Variants in NTNG2 observed in about 807,000 individuals in gnomAD.
NTNG2 encodes the protein netrin G2.
NTNG2 carries 15 observed loss-of-function variants against 47.6 expected under a neutral mutation model. The ratio of observed to expected loss-of-function variants is 0.32; its 90% confidence interval spans 0.21 to 0.49. NTNG2 has a LOEUF of 0.49. Among genes scored for constraint, NTNG2 ranks in the 20% least tolerant of loss-of-function variants. The pLI is 0.99. For missense variants in NTNG2, 578 were observed against 764.6 expected (o/e 0.76, Z 2.88); for synonymous variants, 307 against 324.6 (o/e 0.95, Z 0.58).
chr9:132,226,920 A>G lies in NTNG2; in HGVS notation c.929A>G (p.Asn310Ser). The G allele has an allele frequency of 2.5e-6, 4 of 1,612,854 alleles. No homozygotes were observed. Among genetic ancestry groups the G allele is most frequent in the Non-Finnish European group, 3.4e-6 (4 of 1,179,756 alleles). Residue 310 changes from asparagine (N) to serine (S), a missense_variant, in exon 4 of 8, where the codon AAC (asparagine) becomes AGC (serine). Coordinates refer to ENST00000393229, the MANE Select transcript of NTNG2 (RefSeq NM_032536.4). The surrounding 1 kb of genome is among the most constrained non-coding windows in gnomAD (Gnocchi z 4.8). ...EGSLQCECEH[N>S]TTGPDCGKCK... ...AGCCTGCAGTGCGAGTGCGAGCACA[A>G]CACCACCGGCCCCGACTGCGGCAAG...
Position 132,181,495 on chromosome 9 carries a change from A to G in NTNG2, c.213+14451A>G, listed in dbSNP as rs539419908. ...GCCACCATGCCTGGCTAATTTTTGT[A>G]TTTTTAGTAGAGACAAAGTTTCACC... On this transcript the variant is annotated intron_variant, in intron 2 of 7. Coordinates refer to ENST00000393229, the MANE Select transcript of NTNG2 (RefSeq NM_032536.4). Among the ~76,000 whole-genome samples the G allele has an allele frequency of 4.7e-4, 71 of 151,820 alleles. 1 individual carries two copies. Among genetic ancestry groups the G allele is most frequent in the Non-Finnish European group, 9.7e-4 (66 of 67,908 alleles).
At chr9:132,214,583 T>C (rs940331543) in intron 3 of NTNG2, among the ~76,000 whole-genome samples, 1 of 152,092 alleles carries the variant, frequency 6.6e-6, no homozygotes, top group African/African-American at 2.4e-5. Context: ...GCTGAAAAGG[T>C]GGCTGTGGCT....
rs9696474 is a variant in NTNG2 at position 132,214,875 on chromosome 9, T to A, written c.858-11974T>A. On this transcript the variant is annotated intron_variant, in intron 3 of 7. Coordinates refer to ENST00000393229, the MANE Select transcript of NTNG2 (RefSeq NM_032536.4). ...TTATTTATCTAAAATTCAAAAAAAA[T>A]TTTTTTTTTTTTTAGAGACAGGGTC... Among the ~76,000 whole-genome samples the A allele has an allele frequency of 8.6e-3, 219 of 25,560 alleles. No individual in the cohort carries two copies. In the African/African-American group the frequency reaches 0.17, roughly 20 times the overall value. The allele number at this position is 25,560 out of a possible 152,430, so 16.8% of individuals were successfully genotyped here. A position where few individuals can be genotyped will look rare whatever the true frequency, so the allele number is the denominator to read the frequency against.
At chr9:132,204,875 A>G (rs1839052882) in intron 3 of NTNG2, among the ~76,000 whole-genome samples, 1 of 152,202 alleles carries the variant, frequency 6.6e-6, no homozygotes, top group Non-Finnish European at 1.5e-5. Context: ...CAGGAGTTCA[A>G]GACCAGCCTG....
At chr9:132,185,377 C>T (rs796285363) in intron 2 of NTNG2, among the ~76,000 whole-genome samples, 3 of 152,114 alleles carry the variant, frequency 2.0e-5, no homozygotes, top group East Asian at 3.9e-4. Context: ...AGCTACCAAG[C>T]GCCCCAGCCA....
At chr9:132,217,131 G>A (rs576210712) in intron 3 of NTNG2, among the ~76,000 whole-genome samples, 53 of 152,334 alleles carry the variant, frequency 3.5e-4, no homozygotes, top group Admixed American at 1.0e-3. Flanking sequence ...TCTGAGCCTC[G>A]CATTCTCACC....
intron 2 of NTNG2, among the ~76,000 whole-genome samples, chr9:132,183,069 A>G (rs1173496880): frequency 6.6e-6 from 1 of 152,180 alleles, no homozygotes; most frequent in East Asian, 1.9e-4. Context: ...TAAAACTGAA[A>G]GACCAGGAGG....
At chr9:132,230,550 C>G (rs1311124273) in intron 4 of NTNG2, 22 bp from the exon 5 acceptor site, 12 of 1,597,162 alleles carry the variant, frequency 7.5e-6, no homozygotes, top group Non-Finnish European at 1.0e-5. Flanking sequence ...GCAGCCAGCT[C>G]ACGCCCGTCT....
At chr9:132,168,582 C>T (rs913967625) in intron 2 of NTNG2, among the ~76,000 whole-genome samples, 2 of 152,034 alleles carry the variant, frequency 1.3e-5, no homozygotes, top group Admixed American at 6.5e-5. Flanking sequence ...AAGGAGAAGG[C>T]GGCACGAAGC....
chr9:132,237,351 C>G (rs1463017505), intron 5 of NTNG2, among the ~76,000 whole-genome samples: 1 of 152,188 alleles, frequency 6.6e-6, no homozygotes, highest in Non-Finnish European at 1.5e-5. Flanking sequence ...GGCTCGGAAG[C>G]CTTTGCTGGG....
At chr9:132,198,640 T>C in intron 3 of NTNG2, 31 bp downstream of exon 3, 1 of 1,586,702 alleles carries the variant, frequency 6.3e-7, no homozygotes, top group South Asian at 1.1e-5. Context: ...GGATGTCACC[T>C]GCAACCTGGG....
At chr9:132,200,763 T>TGAC (rs1838686092) in intron 3 of NTNG2, among the ~76,000 whole-genome samples, 1 of 152,232 alleles carries the variant, frequency 6.6e-6, no homozygotes. Flanking sequence ...CCCGTGGTTC[T>TGAC]GACACCCGTG....
intron 2 of NTNG2, among the ~76,000 whole-genome samples, chr9:132,176,600 C>T (rs1836480902): frequency 6.6e-6 from 1 of 152,198 alleles, no homozygotes; most frequent in South Asian, 2.1e-4. Context: ...AACTGATGGA[C>T]ATTTGAGCTG....
rs1178320749 is a variant in NTNG2 at position 132,242,132 on chromosome 9, C to T, written c.*21C>T. 2 of 1,094,258 alleles carry T rather than the reference C, an allele frequency of 1.8e-6. No individual in the cohort carries two copies. Among genetic ancestry groups the T allele is most frequent in the African/African-American group, 1.7e-5 (1 of 59,922 alleles). 67.8% of individuals were successfully genotyped at this position (1,094,258 alleles called of 1,614,324 possible). On this transcript the variant is annotated 3_prime_UTR_variant, in exon 8 of 8. Transcript: ENST00000393229. This position sits in a 1 kb window ranked among gnomAD's most constrained non-coding sequence, Gnocchi z 5.9. ...GCTGAGCCCCGCCCGGAGGACGCTC[C>T]CCGCACCCGGAGGCCGGGGGTCCCG...
intron 2 of NTNG2, among the ~76,000 whole-genome samples, chr9:132,174,254 T>G (rs1267691033): frequency 1.5e-5 from 2 of 135,540 alleles, no homozygotes; most frequent in African/African-American, 2.9e-5. Flanking sequence ...ATGCTGTGGA[T>G]GAGATGGATG....
chr9:132,170,428 G>A (rs1229135644), intron 2 of NTNG2, among the ~76,000 whole-genome samples: 2 of 152,208 alleles, frequency 1.3e-5, no homozygotes, highest in Admixed American at 6.5e-5. Context: ...ACATTCCCAG[G>A]GCCTGCCCCT....
chr9:132,214,865 TC>T lies in NTNG2; in HGVS notation c.858-11983del, dbSNP rs1458673923. On this transcript the variant is annotated intron_variant, in intron 3 of 7. Transcript: ENST00000393229. ...AAATCATTAGTTATTTATCTAAAAT[TC>T]AAAAAAAATTTTTTTTTTTTTTAGA... is the stretch of plus-strand genomic sequence containing the variant. 1.4e-4 allele frequency among the ~76,000 whole-genome samples: 16 copies of T among 117,738 alleles called. No homozygotes were observed. The South Asian group carries it at 3.7e-3, about 27-fold the overall frequency. The allele number at this position is 117,738 out of a possible 152,430, so 77.2% of individuals were successfully genotyped here. A position where few individuals can be genotyped will look rare whatever the true frequency, so the allele number is the denominator to read the frequency against.
intron 2 of NTNG2, among the ~76,000 whole-genome samples, chr9:132,184,091 C>T (rs776907959): frequency 1.3e-5 from 2 of 152,224 alleles, no homozygotes; most frequent in Non-Finnish European, 2.9e-5. Flanking sequence ...CGCACCCACC[C>T]CCAACGACGA....
At chr9:132,216,382 C>CTT (rs35579168) in intron 3 of NTNG2, among the ~76,000 whole-genome samples, 1 of 58,604 alleles carries the variant, frequency 1.7e-5, no homozygotes, top group Non-Finnish European at 2.8e-5. Context: ...CTGACTCAGC[C>CTT]TCTCTCTCTC....
Sources: gnomAD v4.1 joint callset for allele counts (sites outside exome capture counted in the v4.1 genomes callset) on GRCh38, gnomAD v4.1.1 for gene constraint, Gnocchi (gnomAD v3.1) non-coding constraint, MANE v1.5 for transcripts, NCBI Gene and HGNC (gene_info 2026-07-23, HGNC 2026-07-21) for gene names.